Variants in HPD observed in about 807,000 individuals in gnomAD.
The protein encoded by HPD is 4-hydroxyphenylpyruvic acid oxidase.
Under a neutral mutation model 56.9 loss-of-function variants are expected in HPD, and 35 were observed. That is an observed-to-expected ratio of 0.62 (90% CI 0.47 to 0.82). The LOEUF (loss-of-function observed/expected upper bound fraction) is 0.82. Among genes scored for constraint, HPD ranks in the 40% least tolerant of loss-of-function variants. The pLI, the probability that HPD is intolerant of heterozygous loss-of-function variation, is 0.00. For missense variants in HPD, 442 were observed against 506.8 expected (o/e 0.87, Z 1.23); for synonymous variants, 186 against 200.2 (o/e 0.93, Z 0.60).
At chr12:121,874,410 A>T in the HPD span, 1 of 152,088 alleles carries the variant, frequency 6.6e-6, no homozygotes, top group Admixed American at 6.6e-5. Context: ...TGAGGTCAGG[A>T]GTTCGAGGCC....
At chr12:121,858,441 C>T (rs1196326986) in intron 2 of HPD, among the ~76,000 whole-genome samples, 1 of 152,120 alleles carries the variant, frequency 6.6e-6, no homozygotes, top group Admixed American at 6.6e-5. Context: ...GCCTTGGCCT[C>T]CCAAAGCACT....
At position 121,856,377 on chromosome 12, in the gene HPD, C is replaced by T. The variant is rs532829048; in HGVS notation, c.271G>A (p.Asp91Asn). ...TCGAACGCAATGTCCTTCACTCCGTCACCGTGTTTCACCAGGTGATCGCCC... is the reference window on the plus strand; with the variant it reads ...TCGAACGCAATGTCCTTCACTCCGTTACCGTGTTTCACCAGGTGATCGCCC... Reference protein sequence around the residue: ...EMGDHLVKHGDGVKDIAFEVE... With the variant: ...EMGDHLVKHGNGVKDIAFEVE... Residue 91 changes from aspartate (D) to asparagine (N), a missense_variant, in exon 6 of 14, where the codon GAC becomes AAC. By Grantham distance (23) the Asp-to-Asn change is conservative. Transcript: ENST00000289004. 6.2e-7 allele frequency: 1 copy of T among 1,614,200 alleles called. No individual in the cohort carries two copies. Among genetic ancestry groups the T allele is most frequent in the South Asian group, 1.1e-5 (1 of 91,086 alleles).
chr12:121,878,749 C>T, the HPD span, among the ~76,000 whole-genome samples: 4 of 151,286 alleles, frequency 2.6e-5, no homozygotes, highest in South Asian at 8.3e-4. Context: ...TCATAACTCA[C>T]TGCAGCCTCA....
chr12:121,881,873 C>G, the HPD span, among the ~76,000 whole-genome samples: 1 of 136,438 alleles, frequency 7.3e-6, no homozygotes, highest in Non-Finnish European at 1.6e-5. Context: ...GTCTTGATCT[C>G]CTGACCTCAT....
the HPD span, among the ~76,000 whole-genome samples, chr12:121,872,816 T>TGCTTGTATATA: frequency 1.1e-4 from 17 of 152,036 alleles, no homozygotes; most frequent in Non-Finnish European, 1.5e-5. Flanking sequence ...AAGGAAAACA[T>TGCTTGTATATA]GCTTGTATAT....
the HPD span, among the ~76,000 whole-genome samples, chr12:121,869,566 C>CTTT: frequency 1.6e-3 from 231 of 145,812 alleles, 1 homozygote; most frequent in Middle Eastern, 0.01. Flanking sequence ...TAGGTTTTCA[C>CTTT]TTTTTTTTTT....
At chr12:121,861,450 C>T (rs542820479), upstream of HPD, among the ~76,000 whole-genome samples, 191 of 151,974 alleles carry the variant, frequency 1.3e-3, no homozygotes, top group Non-Finnish European at 2.3e-3. Flanking sequence ...GGTTGCAATG[C>T]GAGATTGTGC....
the HPD span, among the ~76,000 whole-genome samples, chr12:121,881,455 C>A: frequency 2.6e-5 from 4 of 152,090 alleles, no homozygotes; most frequent in African/African-American, 7.2e-5. Flanking sequence ...GTTTTAGCAG[C>A]TGTTTTAGCA....
chr12:121,870,085 ATT>A, the HPD span, among the ~76,000 whole-genome samples: 62 of 139,904 alleles, frequency 4.4e-4, no homozygotes, highest in Admixed American at 4.4e-4. Flanking sequence ...GCGTAAGCTG[ATT>A]TTTTTTTTTT....
chr12:121,852,300 G>A (rs573146704), intron 7 of HPD, among the ~76,000 whole-genome samples: 162 of 152,176 alleles, frequency 1.1e-3, no homozygotes, highest in African/African-American at 3.8e-3. Flanking sequence ...GATTACAGGT[G>A]TGAGCCACTG....
intron 9 of HPD, among the ~76,000 whole-genome samples, chr12:121,848,355 AG>A (rs1877653315): frequency 6.6e-6 from 1 of 152,114 alleles, no homozygotes; most frequent in Non-Finnish European, 1.5e-5. Flanking sequence ...TCTCTCACCC[AG>A]GCTGGAGTGC....
At chr12:121,844,126 C>A (rs1043118277) in intron 11 of HPD, among the ~76,000 whole-genome samples, 4 of 152,138 alleles carry the variant, frequency 2.6e-5, no homozygotes, top group African/African-American at 9.7e-5. Flanking sequence ...TCTTAGCTCA[C>A]TGCAACCTCT....
At chr12:121,855,129 TAAG>T (rs773303050) in intron 6 of HPD, among the ~76,000 whole-genome samples, 51 of 152,204 alleles carry the variant, frequency 3.4e-4, no homozygotes, top group Non-Finnish European at 2.5e-4. Flanking sequence ...ATGAGAATAA[TAAG>T]AAGATTCATG....
intron 4 of HPD, chr12:121,856,905 C>A: frequency 1.8e-6 from 1 of 541,464 alleles, no homozygotes; most frequent in Non-Finnish European, 3.3e-6. Flanking sequence ...CTTAAAATTC[C>A]TCTCCTCTGA....
upstream of HPD, among the ~76,000 whole-genome samples, chr12:121,864,044 A>AGGTTT (rs1491139798): frequency 2.0e-5 from 3 of 146,858 alleles, no homozygotes; most frequent in African/African-American, 7.6e-5. Context: ...CCTGGCCAAC[A>AGGTTT]TAGCGAAACC....
upstream of HPD, among the ~76,000 whole-genome samples, chr12:121,867,424 T>C (rs368663902): frequency 6.6e-6 from 1 of 152,048 alleles, no homozygotes; most frequent in African/African-American, 2.4e-5. Flanking sequence ...TTGTTTTTCT[T>C]TTCTTTTCTT....
the HPD span, among the ~76,000 whole-genome samples, chr12:121,879,519 C>G: frequency 1.3e-5 from 1 of 75,408 alleles, no homozygotes; most frequent in Non-Finnish European, 3.3e-5. Context: ...CTTTTCTTTT[C>G]TTTTCTCTTA....
the HPD span, among the ~76,000 whole-genome samples, chr12:121,870,038 A>T: frequency 6.6e-6 from 1 of 151,158 alleles, no homozygotes. Context: ...TCGGCCTTCC[A>T]CAATGCTGGG....
chr12:121,888,106 G>C, the HPD span, among the ~76,000 whole-genome samples: 1 of 152,162 alleles, frequency 6.6e-6, no homozygotes, highest in Non-Finnish European at 1.5e-5. Context: ...ATTTAGAACA[G>C]CGTCTGGCAC....
Sources: allele counts gnomAD v4.1 joint callset (sites outside exome capture counted in the v4.1 genomes callset), GRCh38; gene constraint gnomAD v4.1.1; transcripts MANE v1.5; gene names NCBI Gene and HGNC (gene_info 2026-07-23, HGNC 2026-07-21).